The following ANO3 variants were observed in gnomAD, a reference collection of about 807,000 sequenced individuals.
The protein encoded by ANO3 is anoctamin 3, also known as anoctamin-3.
ANO3 carries 99 observed loss-of-function variants against 144.8 expected under a neutral mutation model. That is an observed-to-expected ratio of 0.68 (90% confidence interval 0.58 to 0.81). ANO3 has a LOEUF of 0.81. Among genes scored for constraint, ANO3 ranks in the 30% least tolerant of loss-of-function variants. The pLI is 0.00. For synonymous variants in ANO3, 414 were observed against 392.6 expected, an observed-to-expected ratio of 1.05 and a Z score of -0.64; for missense variants, 905 against 1,202.2, an observed-to-expected ratio of 0.75 and a Z score of 3.66.
intron 1 of ANO3, among the ~76,000 whole-genome samples, chr11:26,413,546 A>G (rs1402106195): frequency 1.3e-5 from 2 of 152,008 alleles, no homozygotes; most frequent in East Asian, 3.9e-4. Flanking sequence ...GTCTATTTTA[A>G]TATGCTGGCA....
chr11:26,266,363 TC>T (rs1202928079), intron 1 of ANO3, among the ~76,000 whole-genome samples: 1 of 152,052 alleles, frequency 6.6e-6, no homozygotes, highest in African/African-American at 2.4e-5. Context: ...TGGCAAACGA[TC>T]CATGTAATTT....
intron 1 of ANO3, among the ~76,000 whole-genome samples, chr11:26,220,772 A>C (rs1191230728): frequency 6.6e-6 from 1 of 152,160 alleles, no homozygotes; most frequent in Non-Finnish European, 1.5e-5. Flanking sequence ...CCTTGTATAC[A>C]GCTTAAGGCT....
At chr11:26,506,484 C>A (rs534458075) in intron 4 of ANO3, among the ~76,000 whole-genome samples, 11 of 152,156 alleles carry the variant, frequency 7.2e-5, no homozygotes, top group Non-Finnish European at 1.5e-4. Flanking sequence ...TAAGTGATAG[C>A]TACTATTGTC....
At chr11:26,559,503 GAA>G (rs1850197143) in intron 13 of ANO3, 1 of 513,420 alleles carries the variant, frequency 1.9e-6, no homozygotes, top group African/African-American at 1.9e-5. Context: ...AGAGAGGAGA[GAA>G]GAGGGCTAAT....
chr11:26,413,476 A>C (rs1857487878), intron 1 of ANO3, among the ~76,000 whole-genome samples: 1 of 151,998 alleles, frequency 6.6e-6, no homozygotes, highest in Non-Finnish European at 1.5e-5. Flanking sequence ...CTGCAGTGTA[A>C]TTACTCTCTA....
intron 1 of ANO3, chr11:26,309,830 A>G (rs978522695): frequency 6.1e-6 from 2 of 328,740 alleles, no homozygotes; most frequent in African/African-American, 4.5e-5. Flanking sequence ...ACGCAAATTT[A>G]GTCTCATGTT....
intron 1 of ANO3, among the ~76,000 whole-genome samples, chr11:26,257,171 T>C (rs11029439): frequency 0.018 from 2,790 of 152,206 alleles, 69 homozygotes; most frequent in East Asian, 0.12. Context: ...TGTATACATA[T>C]ATGTACATAT....
chr11:26,449,460 C>G (rs113641689), intron 3 of ANO3, among the ~76,000 whole-genome samples: 37 of 86,206 alleles, frequency 4.3e-4, no homozygotes, highest in African/African-American at 1.5e-3. Flanking sequence ...CCCTCTCTCT[C>G]TCTGTCTGTC....
At chr11:26,465,272 TTAGA>T (rs60663776) in intron 4 of ANO3, among the ~76,000 whole-genome samples, 7,263 of 146,380 alleles carry the variant, frequency 0.05, 211 homozygotes, top group African/African-American at 0.092. Flanking sequence ...ATGAACCTAT[TTAGA>T]TAGATAGATA....
intron 18 of ANO3, among the ~76,000 whole-genome samples, chr11:26,629,720 C>T (rs1461862604): frequency 6.6e-6 from 1 of 152,152 alleles, no homozygotes; most frequent in Non-Finnish European, 1.5e-5. Context: ...CAACCTCCGC[C>T]TCTCAGGTTC....
At chr11:26,406,683 G>A (rs1370541972) in intron 1 of ANO3, among the ~76,000 whole-genome samples, 1 of 70,516 alleles carries the variant, frequency 1.4e-5, no homozygotes, top group South Asian at 3.5e-4. Flanking sequence ...GGCAGTGTGT[G>A]TGTGTGTGTG....
chr11:26,378,404 A>G (rs1337208878), intron 1 of ANO3, among the ~76,000 whole-genome samples: 3 of 104,710 alleles, frequency 2.9e-5, no homozygotes, highest in Non-Finnish European at 5.7e-5. Flanking sequence ...TATATTATCT[A>G]TCTATATATA....
intron 23 of ANO3, among the ~76,000 whole-genome samples, chr11:26,645,706 G>T (rs1039691177): frequency 1.3e-5 from 2 of 151,998 alleles, no homozygotes; most frequent in African/African-American, 2.4e-5. Context: ...GGCCTTTTTG[G>T]GGGGCAGAGG....
At chr11:26,266,933 A>T (rs1466892141) in intron 1 of ANO3, among the ~76,000 whole-genome samples, 3 of 140,214 alleles carry the variant, frequency 2.1e-5, no homozygotes, top group African/African-American at 7.9e-5. Context: ...TACAAAAAGA[A>T]AAAAAAAAAT....
intron 1 of ANO3, among the ~76,000 whole-genome samples, chr11:26,191,094 T>C (rs1007488285): frequency 1.3e-5 from 2 of 151,956 alleles, no homozygotes; most frequent in African/African-American, 4.8e-5. Flanking sequence ...CTGACAAACA[T>C]GAAGAAACCC....
intron 1 of ANO3, among the ~76,000 whole-genome samples, chr11:26,191,419 A>C (rs903475632): frequency 9.2e-5 from 14 of 151,800 alleles, no homozygotes; most frequent in African/African-American, 3.1e-4. Flanking sequence ...CGCTCTCTTC[A>C]TTTCCCTCAA....
At chr11:26,377,787 T>C (rs1347794142) in intron 1 of ANO3, among the ~76,000 whole-genome samples, 3 of 151,972 alleles carry the variant, frequency 2.0e-5, no homozygotes, top group African/African-American at 7.2e-5. Flanking sequence ...GAAAGAGAAA[T>C]GATTACCTAC....
intron 7 of ANO3, among the ~76,000 whole-genome samples, chr11:26,530,742 G>A (rs887941504): frequency 4.0e-5 from 6 of 151,842 alleles, no homozygotes; most frequent in East Asian, 1.9e-4. Context: ...GGTGGCTCGC[G>A]CCTATACTCC....
chr11:26,215,462 T>C (rs913316843), intron 1 of ANO3, among the ~76,000 whole-genome samples: 5 of 151,888 alleles, frequency 3.3e-5, no homozygotes, highest in Admixed American at 6.6e-5. Context: ...GATTTTTTTT[T>C]CCCCCTATTG....
Sources: gnomAD v4.1 joint callset for allele counts (sites outside exome capture counted in the v4.1 genomes callset) on GRCh38, gnomAD v4.1.1 for gene constraint, MANE v1.5 for transcripts, NCBI Gene and HGNC (gene_info 2026-07-23, HGNC 2026-07-21) for gene names.